Variants in CSK observed in about 807,000 individuals in gnomAD.
The protein encoded by CSK is tyrosine-protein kinase CSK.
A neutral mutation model predicts 62.3 loss-of-function variants in CSK; 7 were observed. The observed-to-expected ratio is 0.11, with a 90% CI of 0.06 to 0.21. The LOEUF is 0.21. Ranked by LOEUF, CSK falls within the 10% of genes least tolerant of loss-of-function variation. The pLI is 1.00. For synonymous variants in CSK, 237 were observed against 246.0 expected, an observed-to-expected ratio of 0.96 and a Z score of 0.34; for missense variants, 294 against 613.5, an observed-to-expected ratio of 0.48 and a Z score of 5.50.
intron 5 of CSK, 27 bp from the exon 6 acceptor site, chr15:74,800,385 G>C (rs771706688): frequency 8.7e-6 from 14 of 1,607,036 alleles, no homozygotes; most frequent in Non-Finnish European, 3.4e-6. Context: ...GGCTGTCTCT[G>C]AGCACCCTGC....
In CSK at chr15:74,782,198, C is replaced by G. The variant is rs1364771794; in HGVS notation, c.-588C>G. 1 of 149,154 alleles carries G rather than the reference C, an allele frequency of 6.7e-6. No individual in the cohort carries two copies. The allele number at this position is 149,154 out of a possible 1,614,324, so 9.2% of individuals were successfully genotyped here. ...CGCTGCCGCCCTCCCGCTCCTGCCC[C>G]ACCCGCGCCTTGCCCGGGGGCTTCT... On this transcript the variant is annotated 5_prime_UTR_variant, in exon 1 of 13. Coordinates refer to ENST00000220003, the MANE Select transcript of CSK (RefSeq NM_004383.3). This position sits in a 1 kb window ranked among gnomAD's most constrained non-coding sequence, Gnocchi z 5.7.
Position 74,795,430 on chromosome 15 carries a change from C to T in CSK, c.-65-2803C>T, listed in dbSNP as rs113074863. On this transcript the variant is annotated intron_variant, in intron 1 of 12. Coordinates refer to ENST00000220003, the MANE Select transcript of CSK (RefSeq NM_004383.3). ...GTCAGCCTAGCCCCCAGACCTCATC[C>T]ACTGTATCAAAGAGCCCAGCAAAGA... Among the ~76,000 whole-genome samples the T allele has an allele frequency of 7.5e-3, 1,149 of 152,320 alleles. 16 individuals carry two copies. Among genetic ancestry groups the T allele is most frequent in the African/African-American group, 0.027 (1,103 of 41,544 alleles).
intron 6 of CSK, 39 bp from the exon 7 acceptor site, chr15:74,800,642 C>T: frequency 6.5e-7 from 1 of 1,538,070 alleles, no homozygotes; most frequent in Non-Finnish European, 8.8e-7. Context: ...CAGCCATGTC[C>T]CTAGTGGCCT....
At chr15:74,796,436 G>A (rs1380929889) in intron 1 of CSK, among the ~76,000 whole-genome samples, 1 of 151,698 alleles carries the variant, frequency 6.6e-6, no homozygotes, top group Admixed American at 6.6e-5. Flanking sequence ...GTAACTTACT[G>A]AAAAACATCC....
At chr15:74,788,312 G>T (rs1199075115) in intron 1 of CSK, among the ~76,000 whole-genome samples, 1 of 152,064 alleles carries the variant, frequency 6.6e-6, no homozygotes, top group Non-Finnish European at 1.5e-5. Flanking sequence ...ACCTCCCCTC[G>T]GTGCCCCCCA....
intron 1 of CSK, among the ~76,000 whole-genome samples, chr15:74,783,358 C>G (rs1490569722): frequency 1.3e-5 from 2 of 152,224 alleles, no homozygotes; most frequent in African/African-American, 2.4e-5. Flanking sequence ...CCTGGGCAGC[C>G]CATTCTCCTA....
Position 74,785,413 on chromosome 15 carries a change from A to G in CSK, c.-66+2693A>G, listed in dbSNP as rs111950504. On this transcript the variant is annotated intron_variant, in intron 1 of 12. Transcript: ENST00000220003. ...GTTACTATGAGTCCCAAAAGCAGCC[A>G]GGGTGTTGGAGGGCACAAGCAACTT... Among the ~76,000 whole-genome samples the G allele has an allele frequency of 9.0e-3, 1,372 of 152,302 alleles. 19 individuals carry two copies. The highest frequency in any genetic ancestry group is 0.027 in the African/African-American group (1,136 of 41,562).
intron 1 of CSK, among the ~76,000 whole-genome samples, chr15:74,787,433 T>C (rs940198940): frequency 1.3e-5 from 2 of 151,574 alleles, no homozygotes; most frequent in African/African-American, 4.9e-5. Context: ...CAGGACCCAT[T>C]AGAAAAAAAA....
Position 74,801,902 on chromosome 15 carries a change from C to G in CSK, c.1083+12C>G, listed in dbSNP as rs2063798422. The G allele has an allele frequency of 6.2e-7, 1 of 1,608,776 alleles. No homozygotes were observed. The highest frequency in any genetic ancestry group is 1.3e-5 in the African/African-American group (1 of 74,818). On this transcript the variant is annotated intron_variant, in intron 11 of 12. Transcript: ENST00000220003. Reference sequence around the variant, plus strand: ...CCCTGAGAGAGAAGGTGGGGCTGGCCTCCCCTGGGGCCTACAGAGGTGGGC... The same window carrying G: ...CCCTGAGAGAGAAGGTGGGGCTGGCGTCCCCTGGGGCCTACAGAGGTGGGC...
At chr15:74,785,724 G>T (rs2063505133) in intron 1 of CSK, among the ~76,000 whole-genome samples, 1 of 152,154 alleles carries the variant, frequency 6.6e-6, no homozygotes, top group Non-Finnish European at 1.5e-5. Flanking sequence ...TGAGCCACGG[G>T]CCAATGTTGA....
At chr15:74,800,768 G>T (rs1314430989) in intron 7 of CSK, 22 bp downstream of exon 7, 2 of 1,583,254 alleles carry the variant, frequency 1.3e-6, no homozygotes, top group Non-Finnish European at 8.6e-7. Flanking sequence ...CGGGCCCCCT[G>T]GGGGGGTTCT....
At chr15:74,794,328 C>T (rs112826367) in intron 1 of CSK, among the ~76,000 whole-genome samples, 93 of 106,064 alleles carry the variant, frequency 8.8e-4, no homozygotes, top group African/African-American at 3.6e-3. Context: ...ACCCCCACCC[C>T]CACAGCTTAC....
rs2141761547 is a variant in CSK at position 74,782,236 on chromosome 15, TC to T, written c.-548del. 1 of 148,450 alleles carries T rather than the reference TC, an allele frequency of 6.7e-6. No individual in the cohort carries two copies. The highest frequency in any genetic ancestry group is 2.4e-5 in the African/African-American group (1 of 40,846). The allele number at this position is 148,450 out of a possible 1,614,324, so 9.2% of individuals were successfully genotyped here. A position where few individuals can be genotyped will look rare whatever the true frequency, so the allele number is the denominator to read the frequency against. On this transcript the variant is annotated 5_prime_UTR_variant, in exon 1 of 13. Coordinates refer to ENST00000220003, the MANE Select transcript of CSK (RefSeq NM_004383.3). The surrounding 1 kb of genome is among the most constrained non-coding windows in gnomAD (Gnocchi z 5.7). Reference sequence around the variant, plus strand: ...CCCGGGGGCTTCTGCCGGGGTGGGGTCCGAGCCGGGCGACCGCCCGGCTGCG... The same window carrying T: ...CCCGGGGGCTTCTGCCGGGGTGGGGTCGAGCCGGGCGACCGCCCGGCTGCG...
rs2063810945 is a variant in CSK, at chr15:74,802,616, C to T, written c.*103C>T. The T allele has an allele frequency of 4.9e-6, 7 of 1,421,980 alleles. No homozygotes were observed. The highest frequency in any genetic ancestry group is 2.4e-5 in the Admixed American group (1 of 42,440). 88.1% of individuals were successfully genotyped at this position (1,421,980 alleles called of 1,614,324 possible). ...GGCCCGAGCCTGAACTGAGCCCCAG[C>T]GGGCTGGCGGGCCTTTTTCCTGCGT... On this transcript the variant is annotated 3_prime_UTR_variant, in exon 13 of 13. Coordinates refer to ENST00000220003, the MANE Select transcript of CSK (RefSeq NM_004383.3).
intron 5 of CSK, 130 bp downstream of exon 5, chr15:74,799,621 C>G: frequency 7.6e-6 from 7 of 919,140 alleles, no homozygotes; most frequent in Non-Finnish European, 1.1e-5. Context: ...TCTGTGAGCC[C>G]TTGTTTCCTC....
At position 74,782,137 on chromosome 15, in the gene CSK, G is replaced by C. The variant is rs2063442853; in HGVS notation, c.-649G>C. 1 of 148,654 alleles carries C rather than the reference G, an allele frequency of 6.7e-6. No individual in the cohort carries two copies. The highest frequency in any genetic ancestry group is 1.8e-4 in the South Asian group (1 of 5,664). 9.2% of individuals were successfully genotyped at this position (148,654 alleles called of 1,614,324 possible). A position where few individuals can be genotyped will look rare whatever the true frequency, so the allele number is the denominator to read the frequency against. On this transcript the variant is annotated 5_prime_UTR_variant, in exon 1 of 13. Coordinates refer to ENST00000220003, the MANE Select transcript of CSK (RefSeq NM_004383.3). This position sits in a 1 kb window ranked among gnomAD's most constrained non-coding sequence, Gnocchi z 5.7. ...GCGAGCTTCCTCCCAGCGGAGCCCT[G>C]GGCGAGCCGAGGTTGGCCGCCGCCG...
chr15:74,799,884 C>T (rs549346913), intron 5 of CSK, among the ~76,000 whole-genome samples: 32 of 152,342 alleles, frequency 2.1e-4, no homozygotes, highest in Non-Finnish European at 4.3e-4. Flanking sequence ...AAACATGAGC[C>T]ATGCGCCTTG....
chr15:74,802,819 G>T lies in CSK; in HGVS notation c.*306G>T, dbSNP rs981305156. 1 of 312,356 alleles carries T rather than the reference G, an allele frequency of 3.2e-6. No homozygotes were observed. Among genetic ancestry groups the T allele is most frequent in the Non-Finnish European group, 5.8e-6 (1 of 171,668 alleles). The allele number at this position is 312,356 out of a possible 1,614,324, so 19.3% of individuals were successfully genotyped here. A position where few individuals can be genotyped will look rare whatever the true frequency, so the allele number is the denominator to read the frequency against. ...GAGTTTTATTCCTTTCCTTTTTTGA[G>T]ATTTTTTTTCCGTGTGTTTATTTTT... On this transcript the variant is annotated 3_prime_UTR_variant, in exon 13 of 13. Transcript: ENST00000220003.
Position 74,798,455 on chromosome 15 carries a change from G to A in CSK, c.15+143G>A, listed in dbSNP as rs533915414. The A allele has an allele frequency of 2.2e-5, 28 of 1,291,124 alleles. No homozygotes were observed. The African/African-American group carries it at 3.7e-4, about 17-fold the overall frequency. 80.0% of individuals were successfully genotyped at this position (1,291,124 alleles called of 1,614,324 possible). The stretch of plus-strand genomic sequence containing the variant: ...AGTCAGGTACAGGCCTGGGGAAGTG[G>A]GGGAGTCTCAACAGGAAGGGACCCA... On this transcript the variant is annotated intron_variant, in intron 2 of 12. Transcript: ENST00000220003. The surrounding 1 kb of genome is among the most constrained non-coding windows in gnomAD (Gnocchi z 6.6).
Sources: allele counts gnomAD v4.1 joint callset (sites outside exome capture counted in the v4.1 genomes callset), GRCh38; gene constraint gnomAD v4.1.1; non-coding constraint Gnocchi (gnomAD v3.1); transcripts MANE v1.5; gene names NCBI Gene and HGNC (gene_info 2026-07-23, HGNC 2026-07-21).